Variants in PMFBP1 observed in about 807,000 individuals in gnomAD.
PMFBP1 encodes the protein polyamine modulated factor 1 binding protein 1, also known as polyamine-modulated factor 1-binding protein 1.
PMFBP1 carries 131 observed loss-of-function variants against 137.8 expected under a neutral mutation model. The observed-to-expected ratio is 0.95, with a 90% CI of 0.82 to 1.10. The LOEUF is 1.10. Ranked by LOEUF, PMFBP1 falls within the 50% of genes least tolerant of loss-of-function variation. The pLI is 0.00. For synonymous variants in PMFBP1, 490 were observed against 450.4 expected (o/e 1.09, Z -1.11); for missense variants, 1,199 against 1,175.4 (o/e 1.02, Z -0.29).
In PMFBP1 at chr16:72,128,703, T is replaced by C. The variant is rs150813993; in HGVS notation, c.2042A>G (p.Asn681Ser). The C allele has an allele frequency of 3.7e-6, 6 of 1,614,090 alleles. No individual in the cohort carries two copies. The African/African-American group carries it at 4.0e-5, about 11-fold the overall frequency. ...GACTTGCTGGCTGGTGTTGTATTTG[T>C]TGAGAGAGGATTCCAGTTGTGTAGA... ...CCSTQLESSL[N>S]KYNTSQQVIQ... is the part of the protein sequence containing the mutation. Residue 681 changes from asparagine (N) to serine (S), a missense_variant, in exon 14 of 21, where the codon AAC becomes AGC. Transcript: ENST00000237353.
Position 72,163,431 on chromosome 16 carries a change from G to A in PMFBP1, c.165+1333C>T, listed in dbSNP as rs537184884. On this transcript the variant is annotated intron_variant, in intron 3 of 20. Transcript: ENST00000237353. ...CAGCCTAGACTCTAGATAAGTATTA[G>A]TCCAAAATCACAGTCTCAAGAAAGA... Among the ~76,000 whole-genome samples, 10 of 152,332 alleles carry A rather than the reference G, an allele frequency of 6.6e-5. No individual in the cohort carries two copies. The South Asian group carries it at 2.1e-3, about 32-fold the overall frequency.
chr16:72,123,107 C>T, intron 18 of PMFBP1, 119 bp from the exon 19 acceptor site: 1 of 828,700 alleles, frequency 1.2e-6, no homozygotes, highest in Non-Finnish European at 1.9e-6. Flanking sequence ...CCCACGTCCC[C>T]CACGCATCAC....
At chr16:72,186,491 T>C in the PMFBP1 span, among the ~76,000 whole-genome samples, 50 of 152,200 alleles carry the variant, frequency 3.3e-4, no homozygotes, top group African/African-American at 1.0e-3. Flanking sequence ...TGGGAAGAGC[T>C]GTAGATGCGA....
chr16:72,185,112 C>G, the PMFBP1 span, among the ~76,000 whole-genome samples: 2 of 152,060 alleles, frequency 1.3e-5, no homozygotes, highest in Admixed American at 6.5e-5. Flanking sequence ...CAACCTCTGC[C>G]TCCCAGGTTC....
At chr16:72,247,341 T>C in the PMFBP1 span, among the ~76,000 whole-genome samples, 5 of 152,138 alleles carry the variant, frequency 3.3e-5, no homozygotes, top group African/African-American at 1.2e-4. Flanking sequence ...TTCCTTAGAG[T>C]ACAATTTTTA....
At chr16:72,123,451 T>C (rs891148076) in intron 18 of PMFBP1, 95 bp downstream of exon 18, 1 of 1,017,284 alleles carries the variant, frequency 9.8e-7, no homozygotes, top group African/African-American at 1.6e-5. Flanking sequence ...TTTCCAGGAG[T>C]GCAGGGGTGT....
chr16:72,218,008 C>T, the PMFBP1 span, among the ~76,000 whole-genome samples: 1 of 152,314 alleles, frequency 6.6e-6, no homozygotes, highest in Admixed American at 6.5e-5. Context: ...ACAGTAGCTA[C>T]TGCTATACAG....
intron 9 of PMFBP1, among the ~76,000 whole-genome samples, chr16:72,135,363 T>G (rs142710267): frequency 0.54 from 73,065 of 135,766 alleles, 19,809 homozygotes; most frequent in African/African-American, 0.72. Context: ...GTGTGTGTTT[T>G]TTTTTTTTTT....
At chr16:72,223,175 A>G in the PMFBP1 span, among the ~76,000 whole-genome samples, 1 of 152,182 alleles carries the variant, frequency 6.6e-6, no homozygotes, top group Non-Finnish European at 1.5e-5. Context: ...CCCATCCTGC[A>G]CAAGGAAGAA....
At chr16:72,215,317 G>A in the PMFBP1 span, among the ~76,000 whole-genome samples, 1 of 151,938 alleles carries the variant, frequency 6.6e-6, no homozygotes, top group Non-Finnish European at 1.5e-5. Flanking sequence ...TAGACACAGT[G>A]TAGTGAAGCA....
At chr16:72,123,102 G>A in intron 18 of PMFBP1, 114 bp from the exon 19 acceptor site, 6 of 867,208 alleles carry the variant, frequency 6.9e-6, no homozygotes, top group East Asian at 2.5e-5. Flanking sequence ...TGCATCCCAC[G>A]TCCCCCACGC....
the PMFBP1 span, among the ~76,000 whole-genome samples, chr16:72,248,847 A>G: frequency 6.6e-6 from 1 of 152,198 alleles, no homozygotes; most frequent in Non-Finnish European, 1.5e-5. Context: ...CATGCTCCCC[A>G]GGACCTCACT....
chr16:72,221,396 G>A, the PMFBP1 span, among the ~76,000 whole-genome samples: 8 of 152,180 alleles, frequency 5.3e-5, no homozygotes, highest in Admixed American at 2.6e-4. Context: ...GCTCTGGCCC[G>A]CTGCTCCGGC....
intron 4 of PMFBP1, 89 bp from the exon 5 acceptor site, chr16:72,150,918 T>C: frequency 8.8e-7 from 1 of 1,141,270 alleles, no homozygotes; most frequent in Non-Finnish European, 1.3e-6. Flanking sequence ...CAGAGAAGTC[T>C]TGTATCTGAA....
intron 11 of PMFBP1, 31 bp downstream of exon 11, chr16:72,130,500 CCT>C: frequency 6.2e-7 from 1 of 1,612,494 alleles, no homozygotes; most frequent in Admixed American, 1.7e-5. Context: ...AGTGACAGAA[CCT>C]CTCTCTGGAG....
intron 2 of PMFBP1, among the ~76,000 whole-genome samples, chr16:72,169,931 C>T (rs1308702585): frequency 1.3e-5 from 2 of 152,160 alleles, no homozygotes; most frequent in Admixed American, 6.5e-5. Flanking sequence ...AAAATTGGCA[C>T]ACCCTGTAAG....
chr16:72,156,107 C>T (rs1049883258), intron 3 of PMFBP1, among the ~76,000 whole-genome samples: 2 of 152,156 alleles, frequency 1.3e-5, no homozygotes, highest in African/African-American at 4.8e-5. Context: ...ATGCCTCAGC[C>T]TCCGGAGTAG....
At chr16:72,248,238 C>T in the PMFBP1 span, among the ~76,000 whole-genome samples, 10 of 152,236 alleles carry the variant, frequency 6.6e-5, no homozygotes, top group Admixed American at 3.9e-4. Flanking sequence ...GATTAGTTGG[C>T]GCTGACAGGA....
Position 72,126,107 on chromosome 16 carries a change from A to G in PMFBP1, c.2114T>C (p.Met705Thr), listed in dbSNP as rs140817504. Residue 705 changes from methionine to threonine, a missense_variant, in exon 15 of 21, where the codon ATG (methionine) becomes ACG (threonine). Transcript: ENST00000237353. Reference protein sequence around the residue: ...KEIALQKESLMSLQAQLDKAL... With the variant: ...KEIALQKESLTSLQAQLDKAL... Reference sequence around the variant, plus strand: ...TTTGTCCAGCTGGGCCTGCAGGCTCATTAAGGACTCCTTCTGAAGGGCTAT... The same window carrying G: ...TTTGTCCAGCTGGGCCTGCAGGCTCGTTAAGGACTCCTTCTGAAGGGCTAT... 8.7e-6 allele frequency: 14 copies of G among 1,614,030 alleles called. No individual in the cohort carries two copies. The highest frequency in any genetic ancestry group is 1.7e-5 in the Admixed American group (1 of 60,004).
Sources: gnomAD v4.1 joint callset for allele counts (sites outside exome capture counted in the v4.1 genomes callset) on GRCh38, gnomAD v4.1.1 for gene constraint, MANE v1.5 for transcripts, NCBI Gene and HGNC (gene_info 2026-07-23, HGNC 2026-07-21) for gene names.